The following LRCH1 variants were observed in gnomAD, a reference collection of about 807,000 sequenced individuals.
LRCH1 encodes the protein leucine rich repeats and calponin homology domain containing 1.
A neutral mutation model predicts 94.9 loss-of-function variants in LRCH1; 23 were observed. The ratio of observed to expected loss-of-function variants is 0.24; its 90% CI spans 0.17 to 0.34. LRCH1 has a LOEUF of 0.34. Among genes scored for constraint, LRCH1 ranks in the 10% least tolerant of loss-of-function variants. LRCH1 has a pLI of 1.00. For missense variants in LRCH1, 790 were observed against 945.9 expected, an observed-to-expected ratio of 0.84 and a Z score of 2.16; for synonymous variants, 364 against 354.9, an observed-to-expected ratio of 1.03 and a Z score of -0.29.
chr13:46,742,609 C>T lies in LRCH1; in HGVS notation c.*761C>T, dbSNP rs553265713. On this transcript the variant is annotated 3_prime_UTR_variant, in exon 20 of 20. Coordinates refer to ENST00000389797, the MANE Select transcript of LRCH1 (RefSeq NM_001164211.2). ...AACACCAGTTTTTTACTGCTTAATT[C>T]CTTGTTAGGTCTTCTCTTGAGGCTC... The T allele has an allele frequency of 1.0e-6, 1 of 985,400 alleles. No individual in the cohort carries two copies. The highest frequency in any genetic ancestry group is 1.7e-5 in the African/African-American group (1 of 57,354). The allele number at this position is 985,400 out of a possible 1,614,324, so 61.0% of individuals were successfully genotyped here.
chr13:46,717,536 C>G (rs1295660056), intron 16 of LRCH1: 2 of 152,154 alleles, frequency 1.3e-5, no homozygotes, highest in African/African-American at 4.8e-5. Flanking sequence ...ATAGTCTTTA[C>G]AAATATTTGT....
intron 1 of LRCH1, among the ~76,000 whole-genome samples, chr13:46,584,877 A>G (rs2050413345): frequency 6.6e-6 from 1 of 152,258 alleles, no homozygotes; most frequent in African/African-American, 2.4e-5. Context: ...ATGAGGCTAT[A>G]TGTAAAATAT....
chr13:46,632,330 T>A (rs749655713), intron 1 of LRCH1, among the ~76,000 whole-genome samples: 1 of 152,310 alleles, frequency 6.6e-6, no homozygotes, highest in Middle Eastern at 3.4e-3. Flanking sequence ...CATTTGCTAG[T>A]TAAGAAGCAT....
intron 19 of LRCH1, among the ~76,000 whole-genome samples, chr13:46,738,385 C>T (rs1873492723): frequency 2.0e-5 from 3 of 152,156 alleles, no homozygotes; most frequent in South Asian, 2.1e-4. Context: ...CTGAGTTTTC[C>T]TTATCTTTTG....
chr13:46,614,310 C>T (rs140647833), intron 1 of LRCH1, among the ~76,000 whole-genome samples: 72 of 152,242 alleles, frequency 4.7e-4, no homozygotes, highest in Admixed American at 1.1e-3. Context: ...TATAGTGTGA[C>T]AGTTAGCCAT....
chr13:46,602,212 C>T (rs2050635765), intron 1 of LRCH1, among the ~76,000 whole-genome samples: 1 of 152,202 alleles, frequency 6.6e-6, no homozygotes. Context: ...ATTTTTGGTT[C>T]CGCTAGAATA....
In LRCH1 at chr13:46,713,983, T is replaced by G. The variant is rs573312844; in HGVS notation, c.1654+1386T>G. On this transcript the variant is annotated intron_variant, in intron 15 of 19. Coordinates refer to ENST00000389797, the MANE Select transcript of LRCH1 (RefSeq NM_001164211.2). The stretch of plus-strand genomic sequence containing the variant: ...GGATCTTCAGAGAATAATATTCTTT[T>G]GAATGTATAACTTGCAATTGTAGAA... Among the ~76,000 whole-genome samples the G allele has an allele frequency of 2.6e-5, 4 of 152,370 alleles. No individual in the cohort carries two copies. In the South Asian group the frequency reaches 6.2e-4, roughly 24 times the overall value.
chr13:46,750,861 C>T (rs1874099596), exon 19 of LRCH1: 3 of 415,570 alleles, frequency 7.2e-6, no homozygotes, highest in Non-Finnish European at 1.3e-5. Flanking sequence ...TATCTTGAAA[C>T]CAGAGAGGGA....
intron 1 of LRCH1, among the ~76,000 whole-genome samples, chr13:46,628,506 A>C (rs1337810852): frequency 6.6e-6 from 1 of 151,940 alleles, no homozygotes; most frequent in African/African-American, 2.4e-5. Flanking sequence ...AAGTACAAAA[A>C]ATTAGCTGGG....
chr13:46,558,699 C>T (rs1419413073), intron 1 of LRCH1, among the ~76,000 whole-genome samples: 3 of 151,594 alleles, frequency 2.0e-5, no homozygotes, highest in Non-Finnish European at 4.4e-5. Context: ...CGCCACTGCA[C>T]TCCAGCCTGG....
intron 2 of LRCH1, among the ~76,000 whole-genome samples, chr13:46,653,544 G>T (rs988223405): frequency 5.3e-5 from 8 of 152,100 alleles, no homozygotes; most frequent in Non-Finnish European, 1.2e-4. Context: ...AAAATAGTAG[G>T]CTGGGCTTGG....
chr13:46,716,781 A>T (rs1206586443), intron 16 of LRCH1, among the ~76,000 whole-genome samples: 1 of 152,202 alleles, frequency 6.6e-6, no homozygotes. Flanking sequence ...ACGGAAAATA[A>T]ATAGGATTAA....
In LRCH1 at chr13:46,553,656, C is replaced by T. The variant is rs1262275437; in HGVS notation, c.260C>T (p.Pro87Leu). Residue 87 changes from proline to leucine, a missense_variant, in exon 1 of 20, where the codon CCC becomes CTC. Pro to Leu is a moderately conservative substitution (Grantham distance 98, BLOSUM62 -3). Coordinates refer to ENST00000389797, the MANE Select transcript of LRCH1 (RefSeq NM_001164211.2). ...NLSARKLKEF[P>L]RTAAPGHDLS... ...AGCGCCAGGAAATTGAAGGAATTTC[C>T]CCGTACCGCAGCCCCCGGGCACGAC... 6.2e-7 allele frequency: 1 copy of T among 1,608,806 alleles called. No individual in the cohort carries two copies. The highest frequency in any genetic ancestry group is 1.7e-5 in the Admixed American group (1 of 59,722).
chr13:46,735,134 C>T (rs1185042202), intron 19 of LRCH1, among the ~76,000 whole-genome samples: 1 of 129,554 alleles, frequency 7.7e-6, no homozygotes, highest in Non-Finnish European at 1.8e-5. Flanking sequence ...AGGAAGCTTA[C>T]AAATTTATTT....
rs1303854576 is a variant in LRCH1, at chr13:46,742,735, G to T, written c.*887G>T. The stretch of plus-strand genomic sequence containing the variant: ...AGTAACTGCCGGTCCAGAATGTGAC[G>T]GATTCGACTCTATTCATTTTCAAAT... On this transcript the variant is annotated 3_prime_UTR_variant, in exon 20 of 20. Coordinates refer to ENST00000389797, the MANE Select transcript of LRCH1 (RefSeq NM_001164211.2). 9.1e-6 allele frequency: 9 copies of T among 985,396 alleles called. No individual in the cohort carries two copies. Among genetic ancestry groups the T allele is most frequent in the Non-Finnish European group, 1.1e-5 (9 of 829,934 alleles). 61.0% of individuals were successfully genotyped at this position (985,396 alleles called of 1,614,324 possible).
intron 7 of LRCH1, 77 bp downstream of exon 7, chr13:46,689,273 T>TA: frequency 9.5e-7 from 1 of 1,051,162 alleles, no homozygotes; most frequent in Non-Finnish European, 1.4e-6. Context: ...TCCTTTCTGT[T>TA]AAAGGGCATC....
In LRCH1 at chr13:46,744,877, TA is replaced by T; in HGVS notation, c.*3032del. On this transcript the variant is annotated 3_prime_UTR_variant, in exon 20 of 20. Coordinates refer to ENST00000389797, the MANE Select transcript of LRCH1 (RefSeq NM_001164211.2). ...TTCGTATTTCAAAATTAGTTCTCAA[TA>T]AACAATCAATTTGGTATATAGAATG... The T allele has an allele frequency of 1.0e-6, 1 of 984,712 alleles. No individual in the cohort carries two copies. The highest frequency in any genetic ancestry group is 4.7e-5 in the South Asian group (1 of 21,274). The allele number at this position is 984,712 out of a possible 1,614,324, so 61.0% of individuals were successfully genotyped here.
In LRCH1 at chr13:46,743,206, A is replaced by G. The variant is rs922394302; in HGVS notation, c.*1358A>G. 2 of 985,750 alleles carry G rather than the reference A, an allele frequency of 2.0e-6. No homozygotes were observed. The highest frequency in any genetic ancestry group is 3.5e-5 in the African/African-American group (2 of 57,258). The allele number at this position is 985,750 out of a possible 1,614,324, so 61.1% of individuals were successfully genotyped here. The stretch of plus-strand genomic sequence containing the variant: ...ATGCAAACAGCTCTCATAGATGGCT[A>G]CTACGAAGAAAATCTTATTTTTCTG... On this transcript the variant is annotated 3_prime_UTR_variant, in exon 20 of 20. Coordinates refer to ENST00000389797, the MANE Select transcript of LRCH1 (RefSeq NM_001164211.2).
chr13:46,584,907 A>G (rs991593322), intron 1 of LRCH1, among the ~76,000 whole-genome samples: 8 of 152,240 alleles, frequency 5.3e-5, no homozygotes, highest in South Asian at 2.1e-4. Context: ...TTGTATGCCA[A>G]TTGGGAACTG....
Sources: gnomAD v4.1 joint callset for allele counts (sites outside exome capture counted in the v4.1 genomes callset) on GRCh38, gnomAD v4.1.1 for gene constraint, MANE v1.5 for transcripts, NCBI Gene and HGNC (gene_info 2026-07-23, HGNC 2026-07-21) for gene names.